Variants in WDR7 observed in about 807,000 individuals in gnomAD.
WDR7 encodes WD repeat domain 7.
A neutral mutation model predicts 169.4 loss-of-function variants in WDR7; 46 were observed. That is an observed-to-expected ratio of 0.27 (90% confidence interval 0.21 to 0.35). The LOEUF is 0.35. WDR7 is among the 10% of genes least tolerant of loss of function. The pLI is 1.00. For missense variants in WDR7, 1,534 were observed against 1,859.3 expected (o/e 0.83, Z 3.22); for synonymous variants, 612 against 666.8 (o/e 0.92, Z 1.27).
chr18:56,862,408 T>C (rs2045819778), intron 20 of WDR7, among the ~76,000 whole-genome samples: 1 of 151,484 alleles, frequency 6.6e-6, no homozygotes, highest in Admixed American at 6.6e-5. Context: ...TTATCTTAAT[T>C]TTATACAGTC....
intron 22 of WDR7, among the ~76,000 whole-genome samples, chr18:56,924,417 T>A (rs1356980714): frequency 6.6e-6 from 1 of 152,170 alleles, no homozygotes; most frequent in Non-Finnish European, 1.5e-5. Context: ...AAATGATATA[T>A]ATATTAAATA....
At chr18:56,737,102 TTC>T (rs1480172607) in intron 14 of WDR7, among the ~76,000 whole-genome samples, 1 of 152,228 alleles carries the variant, frequency 6.6e-6, no homozygotes, top group Non-Finnish European at 1.5e-5. Context: ...CCATCTTTTT[TTC>T]TCTTTTTTCT....
At chr18:56,807,381 G>A (rs903233748) in intron 19 of WDR7, among the ~76,000 whole-genome samples, 1 of 151,824 alleles carries the variant, frequency 6.6e-6, no homozygotes, top group African/African-American at 2.4e-5. Context: ...GTTTTTTTGT[G>A]TCTTTTGAAA....
intron 12 of WDR7, among the ~76,000 whole-genome samples, chr18:56,710,052 G>A (rs902919547): frequency 7.0e-6 from 1 of 142,050 alleles, no homozygotes; most frequent in Non-Finnish European, 1.5e-5. Context: ...CACCCAGGCT[G>A]GAGTGCAGTG....
intron 20 of WDR7, among the ~76,000 whole-genome samples, chr18:56,875,477 C>T (rs369843059): frequency 5.9e-5 from 9 of 152,294 alleles, no homozygotes; most frequent in African/African-American, 2.2e-4. Context: ...ATCTTGCATA[C>T]CTTCCCACTG....
intron 19 of WDR7, among the ~76,000 whole-genome samples, chr18:56,815,599 A>G (rs772845205): frequency 7.9e-5 from 12 of 152,274 alleles, no homozygotes; most frequent in South Asian, 2.1e-4. Flanking sequence ...CCAGGGCACA[A>G]ATTCTTCTGT....
Position 56,781,984 on chromosome 18 carries a change from C to T in WDR7, c.3190+328C>T, listed in dbSNP as rs7241954. 330 of 165,660 alleles carry T rather than the reference C, an allele frequency of 2.0e-3. 2 individuals are homozygous for T. Among genetic ancestry groups the T allele is most frequent in the African/African-American group, 7.4e-3 (313 of 42,198 alleles). The allele number at this position is 165,660 out of a possible 1,614,324, so 10.3% of individuals were successfully genotyped here. On this transcript the variant is annotated intron_variant, in intron 19 of 27. Transcript: ENST00000254442. ...TTATGCTTATGGATGCCAGCTTGTT[C>T]GATATGGATCTGATGATATGCAAGT...
chr18:56,923,879 G>A (rs745344661), intron 21 of WDR7, 43 bp from the exon 22 acceptor site: 17 of 1,457,532 alleles, frequency 1.2e-5, no homozygotes, highest in Non-Finnish European at 1.5e-5. Flanking sequence ...AATTACAAAA[G>A]TAAAATTCCC....
chr18:56,933,337 G>T (rs1395466596), intron 22 of WDR7, among the ~76,000 whole-genome samples: 5 of 152,124 alleles, frequency 3.3e-5, no homozygotes, highest in Non-Finnish European at 7.4e-5. Flanking sequence ...GCAGTGTGTT[G>T]CCAATCCCAC....
Position 56,963,698 on chromosome 18 carries a change from T to A in WDR7, c.4164+1169T>A, listed in dbSNP as rs114826323. On this transcript the variant is annotated intron_variant, in intron 26 of 27. Transcript: ENST00000254442. Reference sequence around the variant, plus strand: ...GTCAAATTTTGTTTGTGATTTTTTTTAAGACATTAACTCCCCACCATATTC... The same window carrying A: ...GTCAAATTTTGTTTGTGATTTTTTTAAAGACATTAACTCCCCACCATATTC... 6.6e-3 allele frequency among the ~76,000 whole-genome samples: 999 copies of A among 152,294 alleles called. 10 individuals are homozygous for A. Among genetic ancestry groups the A allele is most frequent in the African/African-American group, 0.023 (946 of 41,566 alleles).
At chr18:56,734,757 T>C (rs1476390006) in intron 14 of WDR7, among the ~76,000 whole-genome samples, 1 of 152,108 alleles carries the variant, frequency 6.6e-6, no homozygotes, top group Non-Finnish European at 1.5e-5. Context: ...GTATGGGGTA[T>C]TTTTTGTTCT....
intron 19 of WDR7, among the ~76,000 whole-genome samples, chr18:56,808,936 G>A (rs950725752): frequency 1.3e-5 from 2 of 152,050 alleles, no homozygotes; most frequent in African/African-American, 2.4e-5. Flanking sequence ...TTATCTAAGC[G>A]TTTAGAAATC....
rs897025184 is a variant in WDR7, at chr18:56,855,249, C to G, written c.3305-24695C>G. ...TCTTTTGCCTGTTTTTTTTTCCCCC[C>G]ATTGGATGGTCTTTCTAATTGTAGA... On this transcript the variant is annotated intron_variant, in intron 20 of 27. Coordinates refer to ENST00000254442, the MANE Select transcript of WDR7 (RefSeq NM_015285.3). 2.0e-5 allele frequency among the ~76,000 whole-genome samples: 3 copies of G among 151,798 alleles called. 1 individual carries two copies. The highest frequency in any genetic ancestry group is 7.3e-5 in the African/African-American group (3 of 41,350).
intron 17 of WDR7, 100 bp downstream of exon 17, chr18:56,776,980 T>C (rs1444973150): frequency 1.8e-6 from 2 of 1,132,452 alleles, no homozygotes; most frequent in East Asian, 4.7e-5. Flanking sequence ...CTTTGTTATG[T>C]ATGAGATTCT....
At chr18:56,731,897 T>A (rs1430885731) in intron 14 of WDR7, among the ~76,000 whole-genome samples, 1 of 152,190 alleles carries the variant, frequency 6.6e-6, no homozygotes, top group Non-Finnish European at 1.5e-5. Flanking sequence ...TTGGTAGTCT[T>A]TCTGTTGAAA....
intron 19 of WDR7, among the ~76,000 whole-genome samples, chr18:56,791,936 A>AT (rs1317681632): frequency 6.6e-6 from 1 of 152,084 alleles, no homozygotes; most frequent in African/African-American, 2.4e-5. Flanking sequence ...AAGAATCTGT[A>AT]TTTTTTCATT....
At chr18:56,753,206 A>G (rs2043822715) in intron 14 of WDR7, 1 of 152,196 alleles carries the variant, frequency 6.6e-6, no homozygotes, top group East Asian at 1.9e-4. Context: ...GCAATTTAAA[A>G]TAATTTTCCT....
chr18:56,901,099 C>A (rs1025696172), intron 21 of WDR7, among the ~76,000 whole-genome samples: 2 of 152,118 alleles, frequency 1.3e-5, no homozygotes, highest in East Asian at 3.9e-4. Context: ...CTGCTTGGTT[C>A]TTTATAATGC....
chr18:56,676,971 CGTT>C (rs990585627), intron 2 of WDR7, among the ~76,000 whole-genome samples: 21 of 152,098 alleles, frequency 1.4e-4, no homozygotes, highest in African/African-American at 5.1e-4. Context: ...TGTCTTGAAA[CGTT>C]GTAGTTATTT....
Sources: gnomAD v4.1 joint callset for allele counts (sites outside exome capture counted in the v4.1 genomes callset) on GRCh38, gnomAD v4.1.1 for gene constraint, MANE v1.5 for transcripts, NCBI Gene and HGNC (gene_info 2026-07-23, HGNC 2026-07-21) for gene names.